ZNF490: variants seen among roughly 807,000 people sequenced by gnomAD.
The protein encoded by ZNF490 is zinc finger protein 490.
In ZNF490, 11 loss-of-function variants were observed where a neutral mutation model predicts 17.7. The observed-to-expected ratio is 0.62, with a 90% CI of 0.39 to 1.03. The LOEUF (loss-of-function observed/expected upper bound fraction) is 1.03. ZNF490 is among the 50% of genes least tolerant of loss of function. ZNF490 has a pLI of 0.00. For missense variants in ZNF490, 542 were observed against 643.4 expected, an observed-to-expected ratio of 0.84 and a Z score of 1.71; for synonymous variants, 222 against 216.1, an observed-to-expected ratio of 1.03 and a Z score of -0.24.
At chr19:12,600,066 T>C (rs1462267930) in intron 2 of ZNF490, among the ~76,000 whole-genome samples, 3 of 152,138 alleles carry the variant, frequency 2.0e-5, no homozygotes, top group African/African-American at 7.2e-5. Flanking sequence ...AAGGTTTTAT[T>C]AAGAATTGGG....
intron 2 of ZNF490, among the ~76,000 whole-genome samples, chr19:12,591,219 T>A (rs2022866456): frequency 6.6e-6 from 1 of 151,970 alleles, no homozygotes; most frequent in African/African-American, 2.4e-5. Context: ...TGAAACCCTG[T>A]CTCTACTAAA....
Position 12,585,595 on chromosome 19 carries a change from A to G in ZNF490, c.163-2039T>C, listed in dbSNP as rs191934705. Among the ~76,000 whole-genome samples, 91 of 93,896 alleles carry G rather than the reference A, an allele frequency of 9.7e-4. 27 individuals are homozygous for G. Among genetic ancestry groups the G allele is most frequent in the African/African-American group, 2.8e-3 (87 of 31,438 alleles). 61.6% of individuals were successfully genotyped at this position (93,896 alleles called of 152,430 possible). On this transcript the variant is annotated intron_variant, in intron 2 of 4. Coordinates refer to ENST00000311437, the MANE Select transcript of ZNF490 (RefSeq NM_020714.3). ...AATGTCTTTCTTATCATAGCAAAGA[A>G]CATCATGGCTCGGGGCACAGGCTCA...
At chr19:12,610,061 T>G in intron 1 of ZNF490, 4 of 420,762 alleles carry the variant, frequency 9.5e-6, no homozygotes, top group Non-Finnish European at 1.9e-5. Flanking sequence ...AAACAAACCA[T>G]TTCCTTCCAG....
rs537371806 is a variant in ZNF490 at position 12,605,959 on chromosome 19, C to T, written c.162+3199G>A. Among the ~76,000 whole-genome samples the T allele has an allele frequency of 3.3e-5, 5 of 152,062 alleles. No individual in the cohort carries two copies. In the East Asian group the frequency reaches 9.7e-4, roughly 29 times the overall value. On this transcript the variant is annotated intron_variant, in intron 2 of 4. Transcript: ENST00000311437. Reference sequence around the variant, plus strand: ...GGCGTGCAATGATCTTGGCTCACCGCAACCTCCACCTCCCGGGTTCAAGCA... The same window carrying T: ...GGCGTGCAATGATCTTGGCTCACCGTAACCTCCACCTCCCGGGTTCAAGCA...
intron 2 of ZNF490, among the ~76,000 whole-genome samples, chr19:12,601,910 C>T (rs946079928): frequency 1.2e-4 from 18 of 150,962 alleles, no homozygotes; most frequent in Admixed American, 4.6e-4. Context: ...AGGAGAATGG[C>T]GTGAACCCGG....
chr19:12,605,033 A>T (rs1466569863), intron 2 of ZNF490, among the ~76,000 whole-genome samples: 2 of 152,024 alleles, frequency 1.3e-5, no homozygotes, highest in Admixed American at 6.6e-5. Flanking sequence ...GATGCCTGTC[A>T]TTCCAGCTAC....
chr19:12,590,703 G>A (rs1420792043), intron 2 of ZNF490, among the ~76,000 whole-genome samples: 2 of 152,122 alleles, frequency 1.3e-5, no homozygotes, highest in African/African-American at 2.4e-5. Context: ...TAAGAGCAAG[G>A]TTGAAGGACA....
At chr19:12,603,705 T>C (rs2023033386) in intron 2 of ZNF490, among the ~76,000 whole-genome samples, 1 of 151,702 alleles carries the variant, frequency 6.6e-6, no homozygotes, top group Non-Finnish European at 1.5e-5. Flanking sequence ...GGTGGGATCA[T>C]TGCTTGAACC....
In ZNF490 at chr19:12,581,203, T is replaced by C. The variant is rs2022728305; in HGVS notation, c.872A>G (p.Gln291Arg). 1 of 1,610,284 alleles carries C rather than the reference T, an allele frequency of 6.2e-7. No homozygotes were observed. Among genetic ancestry groups the C allele is most frequent in the African/African-American group, 1.3e-5 (1 of 74,822 alleles). ...AGTCCTTTCGTGGGTTAGAAAAGGC[T>C]GGTAATATATAAAGGCTTTTCCACA... is the stretch of plus-strand genomic sequence containing the variant. ...KQCGKAFIYY[Q>R]PFLTHERTHT... The change falls in exon 5 of 5, where the codon CAG becomes CGG. Residue 291 changes from glutamine (Q) to arginine (R), a missense_variant. Transcript: ENST00000311437.
At chr19:12,583,015 G>T in intron 3 of ZNF490, 105 bp from the exon 4 acceptor site, 2 of 894,216 alleles carry the variant, frequency 2.2e-6, no homozygotes, top group Non-Finnish European at 3.4e-6. Context: ...GACACTGTCT[G>T]ATCTACTTAC....
chr19:12,610,041 AAAAC>A (rs2023126457), intron 1 of ZNF490: 1 of 428,342 alleles, frequency 2.3e-6, no homozygotes, highest in African/African-American at 2.1e-5. Context: ...AACAAACAAA[AAAAC>A]AACGAAAACA....
intron 2 of ZNF490, among the ~76,000 whole-genome samples, chr19:12,583,809 ATATTTT>A (rs1177932295): frequency 5.7e-4 from 60 of 105,104 alleles, no homozygotes; most frequent in African/African-American, 8.4e-4. Context: ...ATATATATAT[ATATTTT>A]TTTTTTTTTT....
At chr19:12,597,235 G>A (rs941000884) in intron 2 of ZNF490, 1 of 456,666 alleles carries the variant, frequency 2.2e-6, no homozygotes, top group Non-Finnish European at 4.4e-6. Flanking sequence ...CATACGCAGA[G>A]CCACAGACAG....
rs1238708048 is a variant in ZNF490, at chr19:12,577,112, C to T, written c.*3373G>A. 6.6e-6 allele frequency among the ~76,000 whole-genome samples: 1 copy of T among 152,114 alleles called. No individual in the cohort carries two copies. Among genetic ancestry groups the T allele is most frequent in the Non-Finnish European group, 1.5e-5 (1 of 68,034 alleles). On this transcript the variant is annotated 3_prime_UTR_variant, in exon 5 of 5. Transcript: ENST00000311437. ...CTTGCTTTCGTGTCTTCCAGAATGC[C>T]AGGATCAAGGGGACAGAGATATTAG...
intron 2 of ZNF490, among the ~76,000 whole-genome samples, 200 bp from the exon 3 acceptor site, chr19:12,583,756 GCT>G (rs1195574032): frequency 0.025 from 749 of 29,434 alleles, 3 homozygotes; most frequent in East Asian, 0.059. Flanking sequence ...AAATTATTGC[GCT>G]CTCTCTCTCT....
chr19:12,582,113 G>A (rs1037614607), intron 4 of ZNF490, among the ~76,000 whole-genome samples: 2 of 151,958 alleles, frequency 1.3e-5, no homozygotes, highest in African/African-American at 2.4e-5. Flanking sequence ...TAGTAGAGAC[G>A]GGGTCTCAAA....
chr19:12,609,700 G>A (rs2023120042), intron 1 of ZNF490, among the ~76,000 whole-genome samples: 1 of 152,184 alleles, frequency 6.6e-6, no homozygotes, highest in South Asian at 2.1e-4. Context: ...TGGAACTGGA[G>A]GCCATTATCC....
chr19:12,599,431 T>C (rs555047623), intron 2 of ZNF490, among the ~76,000 whole-genome samples: 2 of 152,132 alleles, frequency 1.3e-5, no homozygotes, highest in Non-Finnish European at 2.9e-5. Context: ...TAAAGGTGTT[T>C]AGGCCTCCTG....
chr19:12,595,813 G>A (rs1009146500), intron 2 of ZNF490, among the ~76,000 whole-genome samples: 1 of 152,088 alleles, frequency 6.6e-6, no homozygotes, highest in Non-Finnish European at 1.5e-5. Flanking sequence ...AGCCGAGTGT[G>A]TTGGCAGGTG....
Sources: gnomAD v4.1 joint callset for allele counts (sites outside exome capture counted in the v4.1 genomes callset) on GRCh38, gnomAD v4.1.1 for gene constraint, MANE v1.5 for transcripts, NCBI Gene and HGNC (gene_info 2026-07-23, HGNC 2026-07-21) for gene names.